Variants in AOAH observed in about 807,000 individuals in gnomAD.
AOAH encodes the protein acyloxyacyl hydrolase (neutrophil).
Under a neutral mutation model 92.2 loss-of-function variants are expected in AOAH, and 64 were observed. That is an observed-to-expected ratio of 0.69 (90% CI 0.57 to 0.86). AOAH has a LOEUF of 0.86. Among genes scored for constraint, AOAH ranks in the 40% least tolerant of loss-of-function variants. The pLI is 0.00. For missense variants in AOAH, 656 were observed against 694.6 expected, an observed-to-expected ratio of 0.94 and a Z score of 0.62; for synonymous variants, 263 against 254.5, an observed-to-expected ratio of 1.03 and a Z score of -0.32.
At chr7:36,713,499 C>T (rs1798914415) in intron 1 of AOAH, among the ~76,000 whole-genome samples, 1 of 152,218 alleles carries the variant, frequency 6.6e-6, no homozygotes, top group African/African-American at 2.4e-5. Context: ...CTACAGAACT[C>T]TCCACCCCAA....
In AOAH at chr7:36,548,661, A is replaced by G. The variant is rs761402187; in HGVS notation, c.1084T>C (p.Tyr362His). Residue 362 changes from tyrosine to histidine, a missense_variant, in exon 15 of 21, where the codon TAT becomes CAT. Physicochemically the swap from Tyr to His is moderately conservative, Grantham distance 83. Coordinates refer to ENST00000617537, the MANE Select transcript of AOAH (RefSeq NM_001637.4). ...ESLSRNKVLD[Y>H]PAIVIYAMIG... The stretch of plus-strand genomic sequence containing the variant: ...ATGGCATATATAACGATGGCGGGAT[A>G]GTCCAACACCTTGTTTCTAGACAAG... 1.2e-6 allele frequency: 2 copies of G among 1,613,778 alleles called. No homozygotes were observed. Among genetic ancestry groups the G allele is most frequent in the Admixed American group, 1.7e-5 (1 of 60,020 alleles).
At position 36,517,945 on chromosome 7, in the gene AOAH, CCACACACA is replaced by C. The variant is rs1292173983; in HGVS notation, c.1599+4086_1599+4093del. On this transcript the variant is annotated intron_variant, in intron 20 of 20. Coordinates refer to ENST00000617537, the MANE Select transcript of AOAH (RefSeq NM_001637.4). ...CACACACACACCCACACACACACAC[CCACACACA>C]CACACACACACACACACGCACACAC... Among the ~76,000 whole-genome samples the C allele has an allele frequency of 1.7e-3, 20 of 11,528 alleles. 1 individual carries two copies. The East Asian group carries it at 0.084, about 49-fold the overall frequency. 7.6% of individuals were successfully genotyped at this position (11,528 alleles called of 152,430 possible).
chr7:36,705,399 T>C (rs1160784753), intron 1 of AOAH, among the ~76,000 whole-genome samples: 1 of 151,942 alleles, frequency 6.6e-6, no homozygotes, highest in Non-Finnish European at 1.5e-5. Context: ...ACAAAGAGAA[T>C]AAAATACCTA....
chr7:36,609,229 T>C (rs1044709092), intron 11 of AOAH, among the ~76,000 whole-genome samples: 2 of 152,330 alleles, frequency 1.3e-5, no homozygotes, highest in African/African-American at 4.8e-5. Flanking sequence ...TGTACTTTTC[T>C]AGCTTAGCAC....
chr7:36,523,356 C>T lies in AOAH; in HGVS notation c.1523-1241G>A, dbSNP rs117953204. On this transcript the variant is annotated intron_variant, in intron 19 of 20. Coordinates refer to ENST00000617537, the MANE Select transcript of AOAH (RefSeq NM_001637.4). ...ACTGTTCACTGTGTTATATGGTGTCCGCCACACAGAGTCTCCAGGGAGAAG... is the reference window on the plus strand; with the variant it reads ...ACTGTTCACTGTGTTATATGGTGTCTGCCACACAGAGTCTCCAGGGAGAAG... 4.6e-4 allele frequency among the ~76,000 whole-genome samples: 70 copies of T among 152,286 alleles called. 2 individuals carry two copies. In the East Asian group the frequency reaches 5.2e-3, roughly 11 times the overall value.
At chr7:36,622,495 G>T (rs1022034111) in intron 7 of AOAH, among the ~76,000 whole-genome samples, 2 of 152,188 alleles carry the variant, frequency 1.3e-5, no homozygotes, top group East Asian at 3.8e-4. Flanking sequence ...TTGGGACTTT[G>T]TGACATGTTA....
chr7:36,542,375 T>A (rs1160373853), intron 15 of AOAH, among the ~76,000 whole-genome samples: 4 of 152,200 alleles, frequency 2.6e-5, no homozygotes, highest in Admixed American at 2.6e-4. Flanking sequence ...TTTTGAGTCA[T>A]CCAGTTTTGG....
intron 4 of AOAH, among the ~76,000 whole-genome samples, chr7:36,649,874 T>C (rs6955501): frequency 0.63 from 96,565 of 152,092 alleles, 30,938 homozygotes; most frequent in East Asian, 0.83. Context: ...CCGCTCTCCA[T>C]TGGGCTAAAG....
chr7:36,548,225 G>A (rs535243910), intron 15 of AOAH, among the ~76,000 whole-genome samples: 2 of 152,248 alleles, frequency 1.3e-5, no homozygotes, highest in African/African-American at 2.4e-5. Flanking sequence ...TTGCTCCGTC[G>A]CTCAGGCTGG....
chr7:36,689,489 T>TGAA (rs755088048), intron 1 of AOAH, among the ~76,000 whole-genome samples: 5 of 152,164 alleles, frequency 3.3e-5, no homozygotes, highest in African/African-American at 4.8e-5. Context: ...CTCAAGTGGC[T>TGAA]GAAGGGGCAG....
rs754607925 is a variant in AOAH at position 36,516,140 on chromosome 7, A to G, written c.1600-2760T>C. Among the ~76,000 whole-genome samples, 3 of 148,142 alleles carry G rather than the reference A, an allele frequency of 2.0e-5. No homozygotes were observed. The highest frequency in any genetic ancestry group is 5.0e-5 in the African/African-American group (2 of 40,070). ...CACACACACCACACACAGATACACCACACACATCTCACACACACACACCAC... is the reference window on the plus strand; with the variant it reads ...CACACACACCACACACAGATACACCGCACACATCTCACACACACACACCAC... On this transcript the variant is annotated intron_variant, in intron 20 of 20. Coordinates refer to ENST00000617537, the MANE Select transcript of AOAH (RefSeq NM_001637.4). This position sits in a 1 kb window ranked among gnomAD's most constrained non-coding sequence, Gnocchi z 5.0.
intron 19 of AOAH, among the ~76,000 whole-genome samples, chr7:36,526,296 G>A (rs970323681): frequency 1.3e-5 from 2 of 152,188 alleles, no homozygotes; most frequent in African/African-American, 4.8e-5. Flanking sequence ...ATGTCTGTGA[G>A]GGATATGGGT....
chr7:36,627,063 C>A (rs1792714720), intron 6 of AOAH, among the ~76,000 whole-genome samples: 2 of 152,172 alleles, frequency 1.3e-5, no homozygotes, highest in South Asian at 4.1e-4. Flanking sequence ...ATTCCACAGG[C>A]ATTTTGGGAG....
At chr7:36,722,710 G>A (rs190014421) in intron 1 of AOAH, among the ~76,000 whole-genome samples, 11 of 150,816 alleles carry the variant, frequency 7.3e-5, no homozygotes, top group South Asian at 2.1e-4. Context: ...CAAGGGGGGC[G>A]GATCACGAGG....
At chr7:36,601,030 A>G (rs1329029749) in intron 11 of AOAH, among the ~76,000 whole-genome samples, 1 of 152,050 alleles carries the variant, frequency 6.6e-6, no homozygotes, top group Non-Finnish European at 1.5e-5. Flanking sequence ...CTGGCCTGAC[A>G]TACCCAGGGG....
intron 11 of AOAH, among the ~76,000 whole-genome samples, chr7:36,613,386 G>A (rs1791616191): frequency 6.6e-6 from 1 of 152,232 alleles, no homozygotes; most frequent in Non-Finnish European, 1.5e-5. Context: ...AGGAAAAGCA[G>A]GAAACACAGA....
At chr7:36,658,452 C>A (rs935083719) in intron 4 of AOAH, among the ~76,000 whole-genome samples, 3 of 152,100 alleles carry the variant, frequency 2.0e-5, no homozygotes, top group Non-Finnish European at 2.9e-5. Context: ...CAATATTATC[C>A]TCTCATCCAG....
intron 6 of AOAH, among the ~76,000 whole-genome samples, chr7:36,631,115 G>T (rs1217518826): frequency 6.6e-6 from 1 of 152,212 alleles, no homozygotes; most frequent in Non-Finnish European, 1.5e-5. Context: ...GGAGGCTGAG[G>T]TGGGTGGATC....
At chr7:36,695,916 C>T (rs775154073) in intron 1 of AOAH, among the ~76,000 whole-genome samples, 21 of 150,384 alleles carry the variant, frequency 1.4e-4, no homozygotes, top group Non-Finnish European at 2.8e-4. Context: ...TTAGCTCTTA[C>T]CTTTAGGTCT....
Sources: gnomAD v4.1 joint callset for allele counts (sites outside exome capture counted in the v4.1 genomes callset) on GRCh38, gnomAD v4.1.1 for gene constraint, Gnocchi (gnomAD v3.1) non-coding constraint, MANE v1.5 for transcripts, NCBI Gene and HGNC (gene_info 2026-07-23, HGNC 2026-07-21) for gene names.